SHOC1: variants seen among roughly 807,000 people sequenced by gnomAD.
The protein encoded by SHOC1 is shortage in chiasmata 1.
Under a neutral mutation model 179.2 loss-of-function variants are expected in SHOC1, and 136 were observed. That is an observed-to-expected ratio of 0.76 (90% confidence interval 0.66 to 0.87). The LOEUF (loss-of-function observed/expected upper bound fraction) is 0.87, where lower values mean the gene tolerates loss of function less well. SHOC1 is among the 40% of genes least tolerant of loss of function. SHOC1 has a pLI of 0.00. For missense variants in SHOC1, 1,538 were observed against 1,700.8 expected (o/e 0.90, Z 1.68); for synonymous variants, 489 against 586.6 (o/e 0.83, Z 2.41).
chr9:111,729,783 T>G (rs2131445692), intron 12 of SHOC1, among the ~76,000 whole-genome samples: 1 of 151,746 alleles, frequency 6.6e-6, no homozygotes, highest in Non-Finnish European at 1.5e-5. Flanking sequence ...TCCCAGCTAC[T>G]CAGGAGGCTG....
chr9:111,701,818 TAGAC>T (rs1300129470), intron 23 of SHOC1, among the ~76,000 whole-genome samples: 2 of 152,150 alleles, frequency 1.3e-5, no homozygotes, highest in Admixed American at 1.3e-4. Context: ...GTACAGTAGT[TAGAC>T]AGAAATCAGA....
At chr9:111,794,342 G>A (rs1836552535) in intron 1 of SHOC1, among the ~76,000 whole-genome samples, 2 of 150,950 alleles carry the variant, frequency 1.3e-5, no homozygotes, top group South Asian at 2.1e-4. Context: ...CCAGCACTTC[G>A]GGAGGCCGAG....
At chr9:111,759,525 T>C in intron 5 of SHOC1, 1 of 1,194,468 alleles carries the variant, frequency 8.4e-7, no homozygotes, top group Non-Finnish European at 1.0e-6. Flanking sequence ...GAATCTTGGC[T>C]AGCTGTCTAA....
chr9:111,697,641 G>C (rs1409727956), intron 24 of SHOC1, among the ~76,000 whole-genome samples: 1 of 152,146 alleles, frequency 6.6e-6, no homozygotes. Flanking sequence ...GAATAGTGCA[G>C]CAATAAACAT....
Position 111,722,445 on chromosome 9 carries a change from C to T in SHOC1, c.2095G>A (p.Glu699Lys), listed in dbSNP as rs1230448509. Residue 699 changes from glutamate (E) to lysine (K), a missense_variant, in exon 15 of 28, where the codon GAA becomes AAA. Coordinates refer to ENST00000682961, the MANE Select transcript of SHOC1 (RefSeq NM_001378211.1). ...GCATCACTTACTACTTTTTCTTGTT[C>T]CTTTAAGAGAAACCTTGTTTGGTCA... Reference protein sequence around the residue: ...IFDQTRFLLKEQEKVVSDAVR... With the variant: ...IFDQTRFLLKKQEKVVSDAVR... The T allele has an allele frequency of 1.2e-6, 2 of 1,608,228 alleles. No homozygotes were observed. The highest frequency in any genetic ancestry group is 1.1e-5 in the South Asian group (1 of 89,560).
At chr9:111,754,841 A>G (rs184536405) in intron 8 of SHOC1, among the ~76,000 whole-genome samples, 5 of 152,374 alleles carry the variant, frequency 3.3e-5, no homozygotes, top group Admixed American at 6.5e-5. Flanking sequence ...AAGTGAAATA[A>G]GTCACAGATG....
intron 14 of SHOC1, 71 bp from the exon 15 acceptor site, chr9:111,722,656 A>G: frequency 2.3e-6 from 3 of 1,313,906 alleles, no homozygotes; most frequent in Non-Finnish European, 3.1e-6. Flanking sequence ...AACCAATTAA[A>G]TGTTATTTCG....
chr9:111,788,231 A>T (rs970406060), intron 2 of SHOC1, among the ~76,000 whole-genome samples: 11 of 58,936 alleles, frequency 1.9e-4, no homozygotes, highest in African/African-American at 6.4e-4. Context: ...CAAAAAAATG[A>T]GAATAAAAAA....
intron 8 of SHOC1, among the ~76,000 whole-genome samples, chr9:111,754,868 C>T (rs1055175146): frequency 2.6e-5 from 4 of 152,068 alleles, no homozygotes; most frequent in Non-Finnish European, 5.9e-5. Context: ...TATATGATTC[C>T]TTTTTTATTG....
intron 12 of SHOC1, among the ~76,000 whole-genome samples, chr9:111,729,800 G>C (rs572503029): frequency 3.3e-5 from 5 of 151,782 alleles, no homozygotes; most frequent in Admixed American, 3.3e-4. Context: ...GCTGAGGCAG[G>C]AGAATCGCTT....
chr9:111,741,071 T>TA (rs1186193609), intron 11 of SHOC1, among the ~76,000 whole-genome samples: 4 of 152,240 alleles, frequency 2.6e-5, no homozygotes, highest in Admixed American at 2.0e-4. Flanking sequence ...CGGCCGTTGT[T>TA]AAAATGTTTT....
At chr9:111,698,433 C>T (rs1475437303) in intron 24 of SHOC1, among the ~76,000 whole-genome samples, 1 of 152,170 alleles carries the variant, frequency 6.6e-6, no homozygotes, top group Non-Finnish European at 1.5e-5. Flanking sequence ...TTCCCAGCAC[C>T]ATTTATTAAA....
chr9:111,774,501 T>A (rs547362575), intron 5 of SHOC1, among the ~76,000 whole-genome samples: 8 of 152,270 alleles, frequency 5.3e-5, no homozygotes, highest in African/African-American at 1.9e-4. Context: ...GGTCTTGCCA[T>A]GTTGCCCAGG....
intron 12 of SHOC1, among the ~76,000 whole-genome samples, chr9:111,735,897 T>C (rs571161661): frequency 1.3e-5 from 2 of 152,348 alleles, no homozygotes; most frequent in East Asian, 3.9e-4. Flanking sequence ...CGTGAGATGG[T>C]ATCTCATTGG....
At chr9:111,789,607 T>G (rs1362273425) in intron 2 of SHOC1, among the ~76,000 whole-genome samples, 1 of 152,228 alleles carries the variant, frequency 6.6e-6, no homozygotes, top group Non-Finnish European at 1.5e-5. Context: ...ATAATATCTT[T>G]ACTTGTTATT....
rs368557989 is a variant in SHOC1 at position 111,706,641 on chromosome 9, C to T, written c.2664G>A (p.Trp888Ter). The change falls in exon 20 of 28, where the codon TGG becomes TGA. Residue 888 changes from tryptophan (W) to a stop codon, truncating the protein, a stop_gained. Transcript: ENST00000682961. LOFTEE classifies it high-confidence loss of function. Reference sequence around the variant, plus strand: ...TATTCAACTCTTTGCAGTGTTTAGTCCAACAAGAGTCTTCCACATAATTGT... The same window carrying T: ...TATTCAACTCTTTGCAGTGTTTAGTTCAACAAGAGTCTTCCACATAATTGT... ...VEYNYVEDSCWTKHCKELNIP... is the reference protein window; with the variant it reads ...VEYNYVEDSC 3.7e-6 allele frequency: 6 copies of T among 1,608,770 alleles called. No individual in the cohort carries two copies. The highest frequency in any genetic ancestry group is 5.1e-6 in the Non-Finnish European group (6 of 1,176,976).
intron 2 of SHOC1, among the ~76,000 whole-genome samples, chr9:111,788,235 T>A (rs965723738): frequency 5.6e-5 from 8 of 143,420 alleles, no homozygotes; most frequent in East Asian, 2.0e-4. Context: ...AAAATGAGAA[T>A]AAAAAAAAAA....
At chr9:111,769,975 G>GTTTGTTTTTTTTTTTTTTTTTTTATTC (rs1564161086) in intron 5 of SHOC1, among the ~76,000 whole-genome samples, 1 of 87,806 alleles carries the variant, frequency 1.1e-5, no homozygotes, top group Non-Finnish European at 2.2e-5. Context: ...TTTATCTTCT[G>GTTTGTTTTTTTTTTTTTTTTTTTATTC]TTTTTTTTTT....
chr9:111,687,647 TG>T (rs775158118), intron 27 of SHOC1, among the ~76,000 whole-genome samples: 5 of 152,248 alleles, frequency 3.3e-5, no homozygotes, highest in Non-Finnish European at 7.3e-5. Flanking sequence ...AGGCTCATTT[TG>T]ACAGACTTTG....
Sources: gnomAD v4.1 joint callset for allele counts (sites outside exome capture counted in the v4.1 genomes callset) on GRCh38, gnomAD v4.1.1 for gene constraint, MANE v1.5 for transcripts, NCBI Gene and HGNC (gene_info 2026-07-23, HGNC 2026-07-21) for gene names.